Variants in ARID3B observed in about 807,000 individuals in gnomAD.
ARID3B encodes AT-rich interactive domain-containing protein 3B.
Under a neutral mutation model 51.9 loss-of-function variants are expected in ARID3B, and 10 were observed. The observed-to-expected ratio is 0.19, with a 90% CI of 0.12 to 0.33. The LOEUF (loss-of-function observed/expected upper bound fraction) is 0.33, where lower values mean the gene tolerates loss of function less well. Among genes scored for constraint, ARID3B ranks in the 10% least tolerant of loss-of-function variants. ARID3B has a pLI of 1.00. For synonymous variants in ARID3B, 205 were observed against 279.5 expected (o/e 0.73, Z 2.66); for missense variants, 483 against 716.3 (o/e 0.67, Z 3.72).
At chr15:74,551,964 A>T (rs1002889753) in intron 2 of ARID3B, among the ~76,000 whole-genome samples, 3 of 143,424 alleles carry the variant, frequency 2.1e-5, no homozygotes, top group Non-Finnish European at 3.0e-5. Context: ...AATACAGAGC[A>T]CTCCCTCCTT....
intron 1 of ARID3B, among the ~76,000 whole-genome samples, chr15:74,543,144 C>T (rs192923897): frequency 4.6e-5 from 7 of 152,148 alleles, no homozygotes; most frequent in African/African-American, 1.7e-4. Flanking sequence ...TTTTGAGTGA[C>T]GATTGCAATT....
chr15:74,587,465 G>A (rs1424379133), intron 4 of ARID3B, among the ~76,000 whole-genome samples: 1 of 152,186 alleles, frequency 6.6e-6, no homozygotes, highest in African/African-American at 2.4e-5. Context: ...AATGAGGTGT[G>A]GGGAAAGGGA....
intron 2 of ARID3B, among the ~76,000 whole-genome samples, chr15:74,567,707 C>G (rs573116995): frequency 3.3e-5 from 5 of 152,290 alleles, no homozygotes; most frequent in African/African-American, 9.6e-5. Context: ...AAAAGTCCTT[C>G]TGTAGACCTG....
rs1297781683 is a variant in ARID3B at position 74,558,495 on chromosome 15, C to CT, written c.552+14010dup. Among the ~76,000 whole-genome samples, 7 of 151,768 alleles carry CT rather than the reference C, an allele frequency of 4.6e-5. No individual in the cohort carries two copies. The East Asian group carries it at 9.7e-4, about 21-fold the overall frequency. On this transcript the variant is annotated intron_variant, in intron 2 of 8. Coordinates refer to ENST00000346246, the MANE Select transcript of ARID3B (RefSeq NM_006465.4). ...TCTATTCCTTCAGCTCTTTGAACAT[C>CT]TTTGACTTTTTAAAACTTTATATTG...
At position 74,570,462 on chromosome 15, in the gene ARID3B, CAAAAAAAAAAAAAAAA is replaced by C. The variant is rs71137395; in HGVS notation, c.553-2380_553-2365del. Reference sequence around the variant, plus strand: ...AGTGCTTGGAAGTTACTATAATTAGCAAAAAAAAAAAAAAAAAAAAAAAAAAAAAAAAAAAGTGTTT... The same window carrying C: ...AGTGCTTGGAAGTTACTATAATTAGCAAAAAAAAAAAAAAAAAAAGTGTTT... On this transcript the variant is annotated intron_variant, in intron 2 of 8. Transcript: ENST00000346246. Among the ~76,000 whole-genome samples the C allele has an allele frequency of 6.9e-3, 445 of 64,642 alleles. 7 individuals are homozygous for C. The highest frequency in any genetic ancestry group is 0.064 in the South Asian group (116 of 1,808). The allele number at this position is 64,642 out of a possible 152,430, so 42.4% of individuals were successfully genotyped here. A position where few individuals can be genotyped will look rare whatever the true frequency, so the allele number is the denominator to read the frequency against.
intron 2 of ARID3B, among the ~76,000 whole-genome samples, chr15:74,564,844 A>G (rs1317294773): frequency 3.3e-5 from 5 of 151,700 alleles, no homozygotes; most frequent in Non-Finnish European, 7.4e-5. Flanking sequence ...CAAGTGATCC[A>G]CCTGCCTCAG....
chr15:74,547,652 C>T (rs1417831969), intron 2 of ARID3B, among the ~76,000 whole-genome samples: 2 of 152,164 alleles, frequency 1.3e-5, no homozygotes, highest in African/African-American at 4.8e-5. Context: ...AAGGGGGATT[C>T]GAACTTGGGT....
chr15:74,589,798 T>C (rs1255965982), intron 4 of ARID3B, 22 bp from the exon 5 acceptor site: 2 of 1,591,404 alleles, frequency 1.3e-6, no homozygotes, highest in African/African-American at 1.4e-5. Context: ...CGCTGTCTCT[T>C]TCTCTCGTTG....
intron 2 of ARID3B, among the ~76,000 whole-genome samples, chr15:74,561,968 A>G (rs949869941): frequency 1.3e-5 from 2 of 150,266 alleles, no homozygotes; most frequent in African/African-American, 4.9e-5. Context: ...GTAGGCTAAT[A>G]TATGTGTTCT....
chr15:74,593,984 A>G (rs1414137676), intron 8 of ARID3B, among the ~76,000 whole-genome samples: 1 of 151,870 alleles, frequency 6.6e-6, no homozygotes, highest in Non-Finnish European at 1.5e-5. Context: ...TCGAGGCTGC[A>G]GTAAGCCGTG....
chr15:74,583,457 G>T (rs954069891), intron 4 of ARID3B, among the ~76,000 whole-genome samples: 1 of 151,742 alleles, frequency 6.6e-6, no homozygotes. Context: ...GTGGCTCACG[G>T]CAGTCATCCC....
chr15:74,569,488 G>A (rs1209185157), intron 2 of ARID3B, among the ~76,000 whole-genome samples: 1 of 152,182 alleles, frequency 6.6e-6, no homozygotes, highest in East Asian at 1.9e-4. Context: ...TCAGGAGGCT[G>A]ACGCAGGAGA....
intron 8 of ARID3B, among the ~76,000 whole-genome samples, chr15:74,595,204 TA>T (rs1307978568): frequency 1.3e-5 from 2 of 151,948 alleles, no homozygotes; most frequent in African/African-American, 4.8e-5. Flanking sequence ...CAGCTAATTT[TA>T]AAAAAAATTT....
intron 4 of ARID3B, among the ~76,000 whole-genome samples, chr15:74,589,213 T>C (rs2061794314): frequency 6.6e-6 from 1 of 151,726 alleles, no homozygotes; most frequent in African/African-American, 2.4e-5. Context: ...GTATTTTTAG[T>C]AGAGACGGGG....
chr15:74,575,746 C>T (rs555582658), intron 4 of ARID3B, among the ~76,000 whole-genome samples: 12 of 152,296 alleles, frequency 7.9e-5, no homozygotes, highest in African/African-American at 2.6e-4. Context: ...TCAGCACTTA[C>T]GTCAGGTATT....
intron 2 of ARID3B, among the ~76,000 whole-genome samples, chr15:74,563,757 T>G (rs1444551248): frequency 1.3e-5 from 2 of 152,100 alleles, no homozygotes; most frequent in Non-Finnish European, 2.9e-5. Flanking sequence ...TACTTACCTC[T>G]GTGGCTCTCG....
intron 4 of ARID3B, among the ~76,000 whole-genome samples, chr15:74,581,663 T>C (rs955019073): frequency 2.0e-5 from 3 of 152,224 alleles, no homozygotes; most frequent in African/African-American, 7.2e-5. Context: ...ATAGTCATTA[T>C]AATACTCTAT....
At chr15:74,572,809 T>G in intron 2 of ARID3B, 53 bp from the exon 3 acceptor site, 2 of 1,568,100 alleles carry the variant, frequency 1.3e-6, no homozygotes, top group South Asian at 2.2e-5. Flanking sequence ...CCCTCTGTCC[T>G]AACTCTTTCT....
chr15:74,585,559 C>T (rs1381735820), intron 4 of ARID3B, among the ~76,000 whole-genome samples: 1 of 152,152 alleles, frequency 6.6e-6, no homozygotes, highest in Non-Finnish European at 1.5e-5. Context: ...TTTTGTTTAT[C>T]GATTTATATC....
Sources: allele counts gnomAD v4.1 joint callset (sites outside exome capture counted in the v4.1 genomes callset), GRCh38; gene constraint gnomAD v4.1.1; transcripts MANE v1.5; gene names NCBI Gene and HGNC (gene_info 2026-07-23, HGNC 2026-07-21).